The following PWWP3B variants were observed in gnomAD, a reference collection of about 807,000 sequenced individuals.
The protein encoded by PWWP3B is PWWP domain-containing DNA repair factor 3B.
A neutral mutation model predicts 15.7 loss-of-function variants in PWWP3B; 5 were observed. The observed-to-expected ratio is 0.32, with a 90% CI of 0.17 to 0.67. The LOEUF is 0.67. Among genes scored for constraint, PWWP3B ranks in the 30% least tolerant of loss-of-function variants. PWWP3B has a pLI of 0.74. For missense variants in PWWP3B, 519 were observed against 493.1 expected (o/e 1.05, Z -0.50); for synonymous variants, 203 against 179.8 (o/e 1.13, Z -1.03).
intron 2 of PWWP3B, among the ~76,000 whole-genome samples, chrX:106,193,344 C>A (rs1044256020): frequency 1.8e-5 from 2 of 110,629 alleles, no homozygotes; most frequent in East Asian, 2.9e-4. Flanking sequence ...CTGTTTTATC[C>A]GAGACTAGGA....
chrX:106,206,536 A>G lies in PWWP3B; in HGVS notation c.1104A>G (p.Leu368=), dbSNP rs1386417359. Residue 368 remains leucine, a synonymous_variant, in exon 4 of 4, where the codon CTA becomes CTG. Transcript: ENST00000357175. ...TTCCAAGTCGCATTAATCTTTCTCT[A>G]TTAGATGATGATGAGGAAGACGAAG... ...SLLPSRINLS[L]LDDDEEDEEL... is the part of the protein sequence containing the mutation. The G allele has an allele frequency of 8.3e-7, 1 of 1,208,383 alleles. No individual in the cohort carries two copies. Among genetic ancestry groups the G allele is most frequent in the Non-Finnish European group, 1.1e-6 (1 of 893,955 alleles).
At chrX:106,194,556 C>A (rs1018364539) in intron 2 of PWWP3B, among the ~76,000 whole-genome samples, 2 of 112,228 alleles carry the variant, frequency 1.8e-5, no homozygotes, top group African/African-American at 6.5e-5. Flanking sequence ...AAGTCATTCT[C>A]CGTCCAGCTT....
chrX:106,173,037 TA>T (rs1203475056), intron 2 of PWWP3B, among the ~76,000 whole-genome samples: 2 of 112,224 alleles, frequency 1.8e-5, no homozygotes, highest in African/African-American at 3.2e-5. Flanking sequence ...TATATTCTCT[TA>T]AATAATATTT....
At chrX:106,201,759 G>A (rs1923720936) in intron 2 of PWWP3B, 1 of 111,785 alleles carries the variant, frequency 8.9e-6, no homozygotes, top group Admixed American at 9.5e-5. Context: ...CAGCTGACAA[G>A]AAGCTTCAAG....
At chrX:106,172,688 G>A (rs1199572527) in intron 2 of PWWP3B, among the ~76,000 whole-genome samples, 3 of 110,326 alleles carry the variant, frequency 2.7e-5, no homozygotes, top group South Asian at 3.8e-4. Flanking sequence ...GCTATTTTAC[G>A]GTTAGCATTT....
At chrX:106,190,114 G>C (rs952544377) in intron 2 of PWWP3B, among the ~76,000 whole-genome samples, 2 of 111,142 alleles carry the variant, frequency 1.8e-5, no homozygotes, top group African/African-American at 6.6e-5. Context: ...CTGAGGAATC[G>C]CCACACTGAC....
At chrX:106,196,560 A>T (rs1244225356) in intron 2 of PWWP3B, among the ~76,000 whole-genome samples, 2 of 111,070 alleles carry the variant, frequency 1.8e-5, no homozygotes, top group African/African-American at 6.6e-5. Flanking sequence ...TTTTTTCTCC[A>T]TTTTAGTCTG....
At chrX:106,170,709 A>G (rs1921572847) in intron 1 of PWWP3B, among the ~76,000 whole-genome samples, 1 of 112,093 alleles carries the variant, frequency 8.9e-6, no homozygotes, top group African/African-American at 3.2e-5. Context: ...ACTCACACAG[A>G]AATCATAAAA....
chrX:106,191,889 G>A (rs1260525268), intron 2 of PWWP3B, among the ~76,000 whole-genome samples: 1 of 111,792 alleles, frequency 8.9e-6, no homozygotes, highest in Non-Finnish European at 1.9e-5. Context: ...CAGAGATGAA[G>A]CCCACTCTAT....
chrX:106,170,515 AC>A (rs1921561859), intron 1 of PWWP3B, among the ~76,000 whole-genome samples: 1 of 112,283 alleles, frequency 8.9e-6, no homozygotes, highest in Non-Finnish European at 1.9e-5. Context: ...GGTTCTGGTC[AC>A]AAGATGGTGC....
chrX:106,193,150 C>T, intron 2 of PWWP3B, among the ~76,000 whole-genome samples: 1 of 111,228 alleles, frequency 9.0e-6, no homozygotes, highest in South Asian at 3.8e-4. Flanking sequence ...GTTAAAGTCT[C>T]CCATTATTAT....
chrX:106,205,415 A>G lies in PWWP3B; in HGVS notation c.-18A>G. ...TCAACCTTTGGTAATAACCCTTGGC[A>G]CACAAATATAAACCATAATGGAGTC... On this transcript the variant is annotated 5_prime_UTR_variant, in exon 4 of 4. Transcript: ENST00000357175. 9.0e-7 allele frequency: 1 copy of G among 1,114,165 alleles called. No homozygotes were observed. Among genetic ancestry groups the G allele is most frequent in the Non-Finnish European group, 1.2e-6 (1 of 848,937 alleles). The allele number at this position is 1,114,165 out of a possible 1,213,427, so 91.8% of individuals were successfully genotyped here.
chrX:106,206,010 G>T lies in PWWP3B; in HGVS notation c.578G>T (p.Cys193Phe). 1 of 1,208,915 alleles carries T rather than the reference G, an allele frequency of 8.3e-7. No individual in the cohort carries two copies. Among genetic ancestry groups the T allele is most frequent in the Non-Finnish European group, 1.1e-6 (1 of 893,853 alleles). ...ETKSLQNSSW[C>F]ETFPSLSEDN... ...AAGTCATTACAAAACTCTAGCTGGT[G>T]CGAGACTTTCCCTTCACTTTCGGAA... The change falls in exon 4 of 4, where the codon TGC becomes TTC. Residue 193 changes from cysteine to phenylalanine, a missense_variant. Cys to Phe is a radical substitution (Grantham distance 205). Transcript: ENST00000357175.
At chrX:106,173,775 T>C (rs948200704) in intron 2 of PWWP3B, among the ~76,000 whole-genome samples, 2 of 111,832 alleles carry the variant, frequency 1.8e-5, no homozygotes, top group Non-Finnish European at 3.8e-5. Context: ...GGCTTAATAT[T>C]TAATATTTGG....
intron 2 of PWWP3B, 126 bp downstream of exon 2, chrX:106,171,265 C>T (rs777751768): frequency 2.5e-4 from 28 of 112,206 alleles, no homozygotes; most frequent in Non-Finnish European, 4.9e-4. Flanking sequence ...AGCCACATTT[C>T]ATGTAAGGAT....
At chrX:106,184,079 TTGTC>T (rs1422203852) in intron 2 of PWWP3B, among the ~76,000 whole-genome samples, 1 of 111,976 alleles carries the variant, frequency 8.9e-6, no homozygotes, top group African/African-American at 3.2e-5. Flanking sequence ...CAAGGTTTGT[TTGTC>T]TGAAGGCCAT....
chrX:106,186,492 A>G (rs1203576554), intron 2 of PWWP3B, among the ~76,000 whole-genome samples: 1 of 111,295 alleles, frequency 9.0e-6, no homozygotes, highest in Non-Finnish European at 1.9e-5. Flanking sequence ...AAAATAGAAC[A>G]GAATAGCAAG....
intron 2 of PWWP3B, among the ~76,000 whole-genome samples, chrX:106,198,691 T>C (rs1421152020): frequency 8.9e-6 from 1 of 111,816 alleles, no homozygotes; most frequent in Non-Finnish European, 1.9e-5. Flanking sequence ...CTTCTACAAA[T>C]TGGTGAAATA....
At position 106,207,988 on chromosome X, in the gene PWWP3B, G is replaced by A. The variant is rs956568147; in HGVS notation, c.*465G>A. 1 of 124,020 alleles carries A rather than the reference G, an allele frequency of 8.1e-6. No homozygotes were observed. Among genetic ancestry groups the A allele is most frequent in the African/African-American group, 3.2e-5 (1 of 30,894 alleles). 10.2% of individuals were successfully genotyped at this position (124,020 alleles called of 1,213,427 possible). On this transcript the variant is annotated 3_prime_UTR_variant, in exon 4 of 4. Coordinates refer to ENST00000357175, the MANE Select transcript of PWWP3B (RefSeq NM_001171020.2). ...AAATATTGGGTTTTCCCTTAAGATAGTTGAAGTATTTTTCTTGCCATGCCT... is the reference window on the plus strand; with the variant it reads ...AAATATTGGGTTTTCCCTTAAGATAATTGAAGTATTTTTCTTGCCATGCCT...
Sources: allele counts gnomAD v4.1 joint callset (sites outside exome capture counted in the v4.1 genomes callset), GRCh38; gene constraint gnomAD v4.1.1; transcripts MANE v1.5; gene names NCBI Gene and HGNC (gene_info 2026-07-23, HGNC 2026-07-21).